The following NPHP1 variants were observed in gnomAD, a reference collection of about 807,000 sequenced individuals.
The protein encoded by NPHP1 is nephrocystin 1.
Under a neutral mutation model 90.4 loss-of-function variants are expected in NPHP1, and 70 were observed. That is an observed-to-expected ratio of 0.77 (90% confidence interval 0.64 to 0.95). The LOEUF (loss-of-function observed/expected upper bound fraction) is 0.95. NPHP1 is among the 40% of genes least tolerant of loss of function. The pLI is 0.00. For missense variants in NPHP1, 764 were observed against 795.9 expected (o/e 0.96, Z 0.48); for synonymous variants, 256 against 271.7 (o/e 0.94, Z 0.57).
chr2:110,164,794 T>G, intron 7 of NPHP1, 64 bp from the exon 8 acceptor site: 1 of 1,343,406 alleles, frequency 7.4e-7, no homozygotes, highest in Non-Finnish European at 1.1e-6. Context: ...ATTAGGGAAC[T>G]TCTTTAATCA....
At chr2:110,197,235 G>A (rs116718088) in intron 2 of NPHP1, among the ~76,000 whole-genome samples, 1 of 151,998 alleles carries the variant, frequency 6.6e-6, no homozygotes, top group Non-Finnish European at 1.5e-5. Flanking sequence ...TATGGCACAC[G>A]TTTACCTATG....
In NPHP1 at chr2:110,162,937, T is replaced by A. The variant is rs910214732; in HGVS notation, c.859+111A>T. ...GAGGAAAAGATGAGCACCAAAGAGA[T>A]GTGAGATTCAACATCTTCTTCAACA... On this transcript the variant is annotated intron_variant, in intron 9 of 19. Transcript: ENST00000445609. 7 of 747,498 alleles carry A rather than the reference T, an allele frequency of 9.4e-6. No individual in the cohort carries two copies. In the Admixed American group the frequency reaches 9.9e-5, roughly 11 times the overall value. The allele number at this position is 747,498 out of a possible 1,614,324, so 46.3% of individuals were successfully genotyped here. A position where few individuals can be genotyped will look rare whatever the true frequency, so the allele number is the denominator to read the frequency against.
chr2:110,176,279 GT>G (rs1362603221), intron 4 of NPHP1, among the ~76,000 whole-genome samples: 1 of 151,764 alleles, frequency 6.6e-6, no homozygotes, highest in African/African-American at 2.4e-5. Flanking sequence ...ATCAAATATT[GT>G]ATTTTTTAGT....
chr2:110,144,600 T>C (rs181527458), intron 14 of NPHP1, 31 bp from the exon 15 acceptor site: 2 of 1,334,048 alleles, frequency 1.5e-6, no homozygotes, highest in South Asian at 2.3e-5. Context: ...ATGACAGATA[T>C]AAGCTGTGGG....
chr2:110,143,368 A>G (rs954331859), intron 16 of NPHP1, among the ~76,000 whole-genome samples, 174 bp downstream of exon 16: 1 of 152,166 alleles, frequency 6.6e-6, no homozygotes, highest in Non-Finnish European at 1.5e-5. Context: ...ATAGAAGAGT[A>G]AGCTAATTTC....
chr2:110,149,429 G>A (rs1217330107), intron 12 of NPHP1, among the ~76,000 whole-genome samples: 1 of 152,164 alleles, frequency 6.6e-6, no homozygotes, highest in Non-Finnish European at 1.5e-5. Flanking sequence ...GAGGAAGGGT[G>A]CTAAGAAGAT....
chr2:110,137,451 C>T (rs1159649733), intron 16 of NPHP1, among the ~76,000 whole-genome samples: 1 of 152,084 alleles, frequency 6.6e-6, no homozygotes, highest in Non-Finnish European at 1.5e-5. Flanking sequence ...TATACAGAAT[C>T]TACAGTGAAC....
intron 19 of NPHP1, chr2:110,124,414 C>A (rs1679208295): frequency 3.0e-6 from 1 of 337,726 alleles, no homozygotes; most frequent in Non-Finnish European, 5.7e-6. Flanking sequence ...TAAAACAATG[C>A]CAAGTCAGCT....
intron 2 of NPHP1, among the ~76,000 whole-genome samples, chr2:110,199,043 CATGGA>C (rs1685379110): frequency 6.6e-6 from 1 of 151,872 alleles, no homozygotes; most frequent in Admixed American, 6.6e-5. Context: ...GCCTCCTAGT[CATGGA>C]AGTAGTAAGA....
chr2:110,150,340 G>T, intron 11 of NPHP1, 84 bp from the exon 12 acceptor site: 1 of 1,212,494 alleles, frequency 8.2e-7, no homozygotes, highest in South Asian at 1.2e-5. Context: ...GTTAACAGTG[G>T]CTACACTAAG....
At chr2:110,130,730 T>A (rs972234823) in intron 17 of NPHP1, among the ~76,000 whole-genome samples, 1 of 152,166 alleles carries the variant, frequency 6.6e-6, no homozygotes, top group Non-Finnish European at 1.5e-5. Flanking sequence ...TCAGACATGC[T>A]GGCCCCTCTA....
chr2:110,162,748 T>A (rs1228569534), intron 9 of NPHP1, among the ~76,000 whole-genome samples: 1 of 151,730 alleles, frequency 6.6e-6, no homozygotes, highest in Non-Finnish European at 1.5e-5. Flanking sequence ...GATGAGGGAA[T>A]GAACCAGTGT....
At chr2:110,201,073 G>A (rs1359918156) in intron 2 of NPHP1, among the ~76,000 whole-genome samples, 1 of 151,916 alleles carries the variant, frequency 6.6e-6, no homozygotes, top group African/African-American at 2.4e-5. Flanking sequence ...CACCCACCTA[G>A]AAAACAGTGT....
intron 2 of NPHP1, among the ~76,000 whole-genome samples, chr2:110,187,785 G>A (rs1210006119): frequency 2.0e-5 from 3 of 152,156 alleles, no homozygotes; most frequent in South Asian, 2.1e-4. Context: ...CTGGCAAACC[G>A]AATCCAGCAG....
At chr2:110,172,162 A>G (rs1403624577) in intron 4 of NPHP1, among the ~76,000 whole-genome samples, 2 of 152,146 alleles carry the variant, frequency 1.3e-5, no homozygotes, top group Admixed American at 6.5e-5. Flanking sequence ...AATTTTATCT[A>G]AATTTCAAAC....
At chr2:110,189,491 G>A (rs867088911) in intron 2 of NPHP1, among the ~76,000 whole-genome samples, 16 of 152,024 alleles carry the variant, frequency 1.1e-4, no homozygotes, top group South Asian at 8.3e-4. Flanking sequence ...GCAGACCTTC[G>A]CGGTGAGTGT....
At chr2:110,128,565 G>A (rs3789735) in intron 18 of NPHP1, 47,991 of 153,516 alleles carry the variant, frequency 0.31, 8,132 homozygotes, top group East Asian at 0.58. Context: ...GACCTCTCTA[G>A]TGAAACAGAA....
chr2:110,137,206 A>G (rs1288989525), intron 16 of NPHP1, among the ~76,000 whole-genome samples: 1 of 152,268 alleles, frequency 6.6e-6, no homozygotes, highest in African/African-American at 2.4e-5. Context: ...TGTTAGACCT[A>G]AAACCATAAA....
intron 11 of NPHP1, among the ~76,000 whole-genome samples, chr2:110,152,130 T>C (rs975717629): frequency 2.0e-5 from 3 of 152,046 alleles, no homozygotes; most frequent in Admixed American, 2.0e-4. Context: ...CAAAATAATT[T>C]ACAGAGATTT....
Sources: gnomAD v4.1 joint callset for allele counts (sites outside exome capture counted in the v4.1 genomes callset) on GRCh38, gnomAD v4.1.1 for gene constraint, MANE v1.5 for transcripts, NCBI Gene and HGNC (gene_info 2026-07-23, HGNC 2026-07-21) for gene names.